RFX7: variants seen among roughly 807,000 people sequenced by gnomAD.
The protein encoded by RFX7 is regulatory factor X7, also known as DNA-binding protein RFX7.
RFX7 carries 26 observed loss-of-function variants against 111.8 expected under a neutral mutation model. The ratio of observed to expected loss-of-function variants is 0.23; its 90% CI spans 0.17 to 0.32. The LOEUF (loss-of-function observed/expected upper bound fraction) is 0.32, where lower values mean the gene tolerates loss of function less well. RFX7 is among the 10% of genes least tolerant of loss of function. The probability of loss-of-function intolerance (pLI) is 1.00; values close to 1 mark genes in which losing one functional copy is unlikely to be tolerated. For missense variants in RFX7, 1,573 were observed against 1,772.9 expected, an observed-to-expected ratio of 0.89 and a Z score of 2.02; for synonymous variants, 624 against 624.4, an observed-to-expected ratio of 1.00 and a Z score of 0.01.
At chr15:56,235,651 A>C (rs1446692544) in intron 2 of RFX7, among the ~76,000 whole-genome samples, 1 of 152,184 alleles carries the variant, frequency 6.6e-6, no homozygotes, top group Non-Finnish European at 1.5e-5. Flanking sequence ...GCTCAAATTA[A>C]AAATTACTGA....
At chr15:56,135,394 T>A (rs1325901957) in intron 5 of RFX7, among the ~76,000 whole-genome samples, 1 of 152,258 alleles carries the variant, frequency 6.6e-6, no homozygotes, top group Admixed American at 6.5e-5. Context: ...CATGTGTTTT[T>A]TGGCTGCATA....
At chr15:56,120,847 TAAAC>T (rs1447971545) in intron 5 of RFX7, among the ~76,000 whole-genome samples, 6 of 152,204 alleles carry the variant, frequency 3.9e-5, no homozygotes, top group Non-Finnish European at 8.8e-5. Flanking sequence ...TTGGATTGCA[TAAAC>T]AAACAAGCCA....
chr15:56,232,374 A>T (rs141416633), intron 2 of RFX7, among the ~76,000 whole-genome samples: 96 of 152,304 alleles, frequency 6.3e-4, no homozygotes, highest in African/African-American at 2.2e-3. Flanking sequence ...GCAGAGCACC[A>T]AGTCTCTAGG....
chr15:56,196,960 C>T (rs1208524666), intron 2 of RFX7, among the ~76,000 whole-genome samples: 3 of 152,098 alleles, frequency 2.0e-5, no homozygotes, highest in African/African-American at 7.2e-5. Context: ...CTTCAACTTT[C>T]TAATTATTGC....
In RFX7 at chr15:56,141,656, A is replaced by AATATAT. The variant is rs368258249; in HGVS notation, c.401+1116_401+1121dup. ...TAATGAAGAATCTATGCTTACTCTA[A>AATATAT]ATATATATATATATATATATGCATA... On this transcript the variant is annotated intron_variant, in intron 5 of 9. Coordinates refer to ENST00000559447, the MANE Select transcript of RFX7 (RefSeq NM_022841.7). Among the ~76,000 whole-genome samples, 686 of 83,176 alleles carry AATATAT rather than the reference A, an allele frequency of 8.2e-3. 92 individuals are homozygous for AATATAT. Among genetic ancestry groups the AATATAT allele is most frequent in the Non-Finnish European group, 0.011 (519 of 45,230 alleles). 54.6% of individuals were successfully genotyped at this position (83,176 alleles called of 152,430 possible). A position where few individuals can be genotyped will look rare whatever the true frequency, so the allele number is the denominator to read the frequency against.
Position 56,144,456 on chromosome 15 carries a change from C to G in RFX7, c.223G>C (p.Glu75Gln). 1 of 1,365,730 alleles carries G rather than the reference C, an allele frequency of 7.3e-7. No individual in the cohort carries two copies. Among genetic ancestry groups the G allele is most frequent in the South Asian group, 1.1e-5 (1 of 87,932 alleles). The allele number at this position is 1,365,730 out of a possible 1,614,324, so 84.6% of individuals were successfully genotyped here. A position where few individuals can be genotyped will look rare whatever the true frequency, so the allele number is the denominator to read the frequency against. Residue 75 changes from glutamate (E) to glutamine (Q), a missense_variant, in exon 4 of 10, where the codon GAG becomes CAG. This residue lies in a region of RFX7 where 191 missense variants were observed against 194.2 expected (regional missense o/e 0.98). Transcript: ENST00000559447. ...AGCTGAAGGTAGAGGTAGAGTTTCT[C>G]TAGGTCTGTAAACTTCTCAACTTCT... ...LQEVEKFTDL[E>Q]KLYLYLQLPS...
chr15:56,128,836 G>A (rs575872751), intron 5 of RFX7, among the ~76,000 whole-genome samples: 46 of 151,888 alleles, frequency 3.0e-4, no homozygotes, highest in African/African-American at 1.1e-3. Flanking sequence ...TATAATTAGA[G>A]CTAATAAAGG....
At chr15:56,230,053 T>C (rs2043533228) in intron 2 of RFX7, among the ~76,000 whole-genome samples, 1 of 152,088 alleles carries the variant, frequency 6.6e-6, no homozygotes, top group African/African-American at 2.4e-5. Context: ...CAAGTTATCT[T>C]AGCCTTGGGT....
chr15:56,125,597 TTCTGTGTGTGTGAG>T (rs1244368153), intron 5 of RFX7, among the ~76,000 whole-genome samples: 1 of 130,114 alleles, frequency 7.7e-6, no homozygotes, highest in Non-Finnish European at 1.6e-5. Context: ...TGAGGGTTTC[TTCTGTGTGTGTGAG>T]TGTGTGTGTG....
intron 3 of RFX7, among the ~76,000 whole-genome samples, chr15:56,171,410 T>A (rs1336913188): frequency 6.6e-6 from 1 of 152,016 alleles, no homozygotes; most frequent in East Asian, 1.9e-4. Flanking sequence ...GGTATCCTGA[T>A]AAAAGCGAGG....
intron 3 of RFX7, among the ~76,000 whole-genome samples, chr15:56,148,819 AGC>A (rs1172033265): frequency 1.3e-5 from 2 of 152,074 alleles, no homozygotes; most frequent in Non-Finnish European, 2.9e-5. Flanking sequence ...CAGTGGCTCA[AGC>A]CTGTAATCCC....
intron 5 of RFX7, among the ~76,000 whole-genome samples, chr15:56,127,324 G>A (rs1475606879): frequency 6.6e-6 from 1 of 151,522 alleles, no homozygotes; most frequent in Non-Finnish European, 1.5e-5. Context: ...AGTCAAAGAA[G>A]TGCTTAGCAG....
At chr15:56,178,487 A>G (rs991356250) in intron 3 of RFX7, among the ~76,000 whole-genome samples, 1 of 152,182 alleles carries the variant, frequency 6.6e-6, no homozygotes, top group Non-Finnish European at 1.5e-5. Context: ...CCAAACTTGG[A>G]TAAGAGAACT....
chr15:56,231,469 T>A (rs1433682245), intron 2 of RFX7, among the ~76,000 whole-genome samples: 1 of 152,128 alleles, frequency 6.6e-6, no homozygotes. Flanking sequence ...AACCATTAGA[T>A]CTCATGAGAC....
In RFX7 at chr15:56,087,716, T is replaced by C. The variant is rs2140499857; in HGVS notation, c.*5629A>G. The C allele has an allele frequency of 5.6e-6, 2 of 356,224 alleles. No homozygotes were observed. Among genetic ancestry groups the C allele is most frequent in the Non-Finnish European group, 1.1e-5 (2 of 180,640 alleles). 22.1% of individuals were successfully genotyped at this position (356,224 alleles called of 1,614,324 possible). On this transcript the variant is annotated 3_prime_UTR_variant, in exon 10 of 10. Coordinates refer to ENST00000559447, the MANE Select transcript of RFX7 (RefSeq NM_022841.7). ...ATCCGCCTCTGCTATAGTGACCTCA[T>C]TGCATCCTGCAAAGACATTCACTGT...
chr15:56,165,964 C>CCCAGGCTGGAGTGGA (rs2042777298), intron 3 of RFX7, among the ~76,000 whole-genome samples: 1 of 152,142 alleles, frequency 6.6e-6, no homozygotes, highest in East Asian at 1.9e-4. Flanking sequence ...TGCAGTGGCA[C>CCCAGGCTGGAGTGGA]GTTCATGGCT....
chr15:56,153,327 C>T (rs531473896), intron 3 of RFX7, among the ~76,000 whole-genome samples: 4 of 152,290 alleles, frequency 2.6e-5, no homozygotes, highest in African/African-American at 7.2e-5. Flanking sequence ...TACAGGCAAA[C>T]CGAATCCAGC....
intron 5 of RFX7, among the ~76,000 whole-genome samples, chr15:56,106,549 G>C (rs1324976608): frequency 6.6e-6 from 1 of 152,180 alleles, no homozygotes; most frequent in African/African-American, 2.4e-5. Flanking sequence ...AAGTTGTATA[G>C]TTCAACTTCC....
At chr15:56,099,056 GA>G (rs1423954920) in intron 8 of RFX7, among the ~76,000 whole-genome samples, 7 of 151,862 alleles carry the variant, frequency 4.6e-5, no homozygotes, top group African/African-American at 1.7e-4. Context: ...GATAAACACT[GA>G]AAAAAATTGA....
Sources: allele counts gnomAD v4.1 joint callset (sites outside exome capture counted in the v4.1 genomes callset), GRCh38; gene constraint gnomAD v4.1.1; regional missense constraint gnomAD v4.1.1; transcripts MANE v1.5; gene names NCBI Gene and HGNC (gene_info 2026-07-23, HGNC 2026-07-21).